Variants in PGM1 observed in about 807,000 individuals in gnomAD.
PGM1 encodes phosphoglucomutase-1.
In PGM1, 52 loss-of-function variants were observed where a neutral mutation model predicts 55.6. The observed-to-expected ratio is 0.94, with a 90% CI of 0.75 to 1.18. PGM1 has a LOEUF of 1.18. PGM1 is among the 50% of genes most tolerant of loss of function. The pLI is 0.00. For synonymous variants in PGM1, 287 were observed against 271.7 expected (o/e 1.06, Z -0.55); for missense variants, 724 against 729.3 (o/e 0.99, Z 0.08).
At chr1:63,633,916 GTGTA>G (rs1649277188) in intron 4 of PGM1, among the ~76,000 whole-genome samples, 1 of 33,300 alleles carries the variant, frequency 3.0e-5, no homozygotes, top group African/African-American at 1.8e-4. Context: ...GTGTGTGTGT[GTGTA>G]TATATATATA....
chr1:63,615,550 CTTTTTT>C (rs1161161385), intron 1 of PGM1, among the ~76,000 whole-genome samples: 1,348 of 62,758 alleles, frequency 0.021, 6 homozygotes, highest in African/African-American at 0.087. Flanking sequence ...TCTTCTTCTT[CTTTTTT>C]TTTTTTTTTT....
intron 1 of PGM1, chr1:63,623,674 G>A (rs769610644): frequency 6.2e-7 from 1 of 1,611,572 alleles, no homozygotes; most frequent in Non-Finnish European, 8.5e-7. Context: ...AGATCGCCAG[G>A]GATCATCACT....
chr1:63,610,505 G>A (rs1648536832), intron 1 of PGM1, among the ~76,000 whole-genome samples: 1 of 152,252 alleles, frequency 6.6e-6, no homozygotes, highest in East Asian at 1.9e-4. Flanking sequence ...TTGATTCCTG[G>A]ACATGGTAGT....
Position 63,631,664 on chromosome 1 carries a change from T to A in PGM1, c.564T>A (p.Ile188=). 6.2e-7 allele frequency: 1 copy of A among 1,613,488 alleles called. No individual in the cohort carries two copies. The highest frequency in any genetic ancestry group is 8.5e-7 in the Non-Finnish European group (1 of 1,179,426). The part of the protein sequence containing the change: ...ENKFKPFTVE[I]VDSVEAYATM... ...TGTTGCTTGTTCTCACAGTGGAAAT[T>A]GTGGATTCGGTAGAAGCTTATGCTA... Residue 188 remains isoleucine (I), a synonymous_variant, in exon 4 of 11, where the codon ATT becomes ATA. Coordinates refer to ENST00000371084, the MANE Select transcript of PGM1 (RefSeq NM_002633.3).
chr1:63,614,005 C>T (rs908594550), intron 1 of PGM1, among the ~76,000 whole-genome samples: 2 of 152,172 alleles, frequency 1.3e-5, no homozygotes, highest in Admixed American at 6.5e-5. Flanking sequence ...TGGAGCAACT[C>T]GTGTAACTTC....
At chr1:63,636,718 G>A (rs1649373382) in intron 6 of PGM1, among the ~76,000 whole-genome samples, 1 of 152,152 alleles carries the variant, frequency 6.6e-6, no homozygotes, top group Non-Finnish European at 1.5e-5. Flanking sequence ...CCTGACCATA[G>A]CGTGCCTGGC....
chr1:63,641,710 G>A (rs1403939931), intron 7 of PGM1, among the ~76,000 whole-genome samples: 1 of 152,132 alleles, frequency 6.6e-6, no homozygotes, highest in Non-Finnish European at 1.5e-5. Flanking sequence ...TGTTGCAGCT[G>A]TGATTTTACA....
At chr1:63,631,092 A>G (rs1369362528) in intron 3 of PGM1, among the ~76,000 whole-genome samples, 1 of 152,174 alleles carries the variant, frequency 6.6e-6, no homozygotes, top group Non-Finnish European at 1.5e-5. Flanking sequence ...TCCAACAAGA[A>G]CAACAATACT....
intron 1 of PGM1, among the ~76,000 whole-genome samples, chr1:63,617,880 T>G (rs950741588): frequency 9.3e-6 from 1 of 107,184 alleles, no homozygotes; most frequent in Admixed American, 8.0e-5. Flanking sequence ...GTGTGTGTGG[T>G]TTTTTTTTTA....
chr1:63,626,124 G>A (rs767705331), intron 1 of PGM1, among the ~76,000 whole-genome samples: 4 of 152,200 alleles, frequency 2.6e-5, no homozygotes, highest in Non-Finnish European at 4.4e-5. Context: ...GGGAAAGGAA[G>A]GCAGGCAGGG....
At chr1:63,611,744 A>G (rs1648571932) in intron 1 of PGM1, among the ~76,000 whole-genome samples, 1 of 152,214 alleles carries the variant, frequency 6.6e-6, no homozygotes, top group Non-Finnish European at 1.5e-5. Flanking sequence ...CTTTACTAAA[A>G]ATACAAAAAT....
intron 1 of PGM1, among the ~76,000 whole-genome samples, chr1:63,598,959 A>G (rs1648158736): frequency 6.6e-6 from 1 of 152,216 alleles, no homozygotes; most frequent in African/African-American, 2.4e-5. Context: ...CTGAACTTTC[A>G]TGAGATCCAT....
At chr1:63,655,137 T>C (rs1047435554) in intron 10 of PGM1, among the ~76,000 whole-genome samples, 3 of 150,446 alleles carry the variant, frequency 2.0e-5, no homozygotes, top group African/African-American at 7.5e-5. Flanking sequence ...CTCTGCTCAT[T>C]TCCTTTTTTT....
chr1:63,643,922 GGA>G lies in PGM1; in HGVS notation c.1145-4586_1145-4585del, dbSNP rs1231588458. ...AGAACTGTATGTTCAGGGGGCTGGAGGAGAGAGAGAAATTGACAGAAAAAGAA... is the reference window on the plus strand; with the variant it reads ...AGAACTGTATGTTCAGGGGGCTGGAGGAGAGAGAAATTGACAGAAAAAGAA... On this transcript the variant is annotated intron_variant, in intron 7 of 10. Coordinates refer to ENST00000371084, the MANE Select transcript of PGM1 (RefSeq NM_002633.3). Among the ~76,000 whole-genome samples, 4 of 152,324 alleles carry G rather than the reference GGA, an allele frequency of 2.6e-5. No individual in the cohort carries two copies. The East Asian group carries it at 7.7e-4, about 29-fold the overall frequency.
chr1:63,650,759 C>G (rs1649786691), intron 8 of PGM1, among the ~76,000 whole-genome samples: 1 of 152,144 alleles, frequency 6.6e-6, no homozygotes, highest in South Asian at 2.1e-4. Flanking sequence ...TGAAGGAAAA[C>G]TCATCTTTAT....
Position 63,648,391 on chromosome 1 carries a change from C to T in PGM1, c.1145-126C>T, listed in dbSNP as rs2100998236. ...AACTTTGTCCCCCATGATCCAATCA[C>T]TTCCCATCACGTCCCTCCCTCAACA... On this transcript the variant is annotated intron_variant, in intron 7 of 10. Coordinates refer to ENST00000371084, the MANE Select transcript of PGM1 (RefSeq NM_002633.3). 3.0e-6 allele frequency: 3 copies of T among 992,432 alleles called. No individual in the cohort carries two copies. The East Asian group carries it at 7.6e-5, about 25-fold the overall frequency. 61.5% of individuals were successfully genotyped at this position (992,432 alleles called of 1,614,324 possible). A position where few individuals can be genotyped will look rare whatever the true frequency, so the allele number is the denominator to read the frequency against.
At position 63,651,819 on chromosome 1, in the gene PGM1, C is replaced by A. The variant is rs1310621870; in HGVS notation, c.1431C>A (p.Ser477Arg). 3 of 1,613,994 alleles carry A rather than the reference C, an allele frequency of 1.9e-6. No homozygotes were observed. The highest frequency in any genetic ancestry group is 2.5e-6 in the Non-Finnish European group (3 of 1,179,914). ...TVEKADNFEY[S>R]DPVDGSISRN... ...AGAAGGCCGATAACTTTGAATACAG[C>A]GACCCAGTGGATGGAAGCATTTCAA... is the stretch of plus-strand genomic sequence containing the variant. Residue 477 changes from serine (S) to arginine (R), a missense_variant, in exon 9 of 11, where the codon AGC becomes AGA. By Grantham distance (110) the Ser-to-Arg change is moderately radical. This residue lies in a region of PGM1 where 316 missense variants were observed against 313.1 expected (regional missense o/e 1.01). Transcript: ENST00000371084.
chr1:63,647,256 TTACATATA>T (rs1467819096), intron 7 of PGM1, among the ~76,000 whole-genome samples: 1 of 51,560 alleles, frequency 1.9e-5, no homozygotes, highest in African/African-American at 3.6e-5. Flanking sequence ...AAATAAAATT[TTACATATA>T]TATATATATA....
chr1:63,621,842 C>T (rs764506084), intron 1 of PGM1, among the ~76,000 whole-genome samples: 6 of 152,082 alleles, frequency 3.9e-5, no homozygotes, highest in Non-Finnish European at 8.8e-5. Context: ...TTGCCAGTGG[C>T]CTACTTTCTG....
Sources: allele counts gnomAD v4.1 joint callset (sites outside exome capture counted in the v4.1 genomes callset), GRCh38; gene constraint gnomAD v4.1.1; regional missense constraint gnomAD v4.1.1; transcripts MANE v1.5; gene names NCBI Gene and HGNC (gene_info 2026-07-23, HGNC 2026-07-21).